Variants in PTPRU observed in about 807,000 individuals in gnomAD.
The protein encoded by PTPRU is protein tyrosine phosphatase receptor type U.
In PTPRU, 69 loss-of-function variants were observed where a neutral mutation model predicts 166.3. The ratio of observed to expected loss-of-function variants is 0.41; its 90% CI spans 0.34 to 0.51. PTPRU has a LOEUF of 0.51. Ranked by LOEUF, PTPRU falls within the 20% of genes least tolerant of loss-of-function variation. PTPRU has a pLI of 0.09. For synonymous variants in PTPRU, 793 were observed against 814.0 expected (o/e 0.97, Z 0.44); for missense variants, 1,657 against 2,013.7 (o/e 0.82, Z 3.39).
intron 14 of PTPRU, among the ~76,000 whole-genome samples, chr1:29,288,494 C>T (rs966438576): frequency 9.2e-5 from 14 of 152,178 alleles, no homozygotes; most frequent in African/African-American, 3.4e-4. Context: ...AGAAGAATGC[C>T]ATTTCTTCAG....
chr1:29,310,969 A>G (rs1478108675), intron 19 of PTPRU, among the ~76,000 whole-genome samples, 189 bp downstream of exon 19: 3 of 152,070 alleles, frequency 2.0e-5, no homozygotes, highest in Non-Finnish European at 4.4e-5. Flanking sequence ...AATCTGGCCA[A>G]CTGCCTTTGT....
chr1:29,284,665 C>T, intron 13 of PTPRU, 66 bp from the exon 14 acceptor site: 1 of 1,611,448 alleles, frequency 6.2e-7, no homozygotes, highest in Non-Finnish European at 8.5e-7. Flanking sequence ...GGCACAGCCA[C>T]CTACAGGAGG....
In PTPRU at chr1:29,311,462, A is replaced by T; in HGVS notation, c.2864A>T (p.Lys955Met). 1.2e-6 allele frequency: 2 copies of T among 1,614,130 alleles called. No homozygotes were observed. The highest frequency in any genetic ancestry group is 1.7e-6 in the Non-Finnish European group (2 of 1,180,030). ...CCTCTGCCTGCATCCCCAGGGCCGAAGCCTGAGATGGTCTATGACTTCTGG... is the reference window on the plus strand; with the variant it reads ...CCTCTGCCTGCATCCCCAGGGCCGATGCCTGAGATGGTCTATGACTTCTGG... Reference protein sequence around the residue: ...SNHFIATQGPKPEMVYDFWRM... With the variant: ...SNHFIATQGPMPEMVYDFWRM... Residue 955 changes from lysine (K) to methionine (M), a missense_variant, in exon 20 of 30, where the codon AAG (lysine) becomes ATG (methionine). This residue lies in a region of PTPRU where 1,190 missense variants were observed against 1,477.4 expected (regional missense o/e 0.81). Transcript: ENST00000373779. The surrounding 1 kb of genome is among the most constrained non-coding windows in gnomAD (Gnocchi z 4.1).
chr1:29,293,321 C>T (rs564310940), intron 15 of PTPRU, among the ~76,000 whole-genome samples: 2 of 152,192 alleles, frequency 1.3e-5, no homozygotes, highest in South Asian at 4.2e-4. Flanking sequence ...CCATGTTAGC[C>T]ACGCTGTTAG....
chr1:29,290,010 C>T (rs1686551307), intron 14 of PTPRU, among the ~76,000 whole-genome samples: 1 of 152,340 alleles, frequency 6.6e-6, no homozygotes, highest in South Asian at 2.1e-4. Flanking sequence ...CCCTTCACCA[C>T]CAGAGCAGCC....
intron 7 of PTPRU, among the ~76,000 whole-genome samples, chr1:29,263,109 T>G (rs1685146102): frequency 6.6e-6 from 1 of 152,166 alleles, no homozygotes; most frequent in Non-Finnish European, 1.5e-5. Context: ...CTCAGCCTCC[T>G]GAGTAGCTGA....
Position 29,260,066 on chromosome 1 carries a change from A to G in PTPRU, c.850+22A>G, listed in dbSNP as rs750564512. ...AAGGGTCAGCTGGTGGACGCCGGGGAGCGCCGGGACCTCACCCTCGAGGGG... is the reference window on the plus strand; with the variant it reads ...AAGGGTCAGCTGGTGGACGCCGGGGGGCGCCGGGACCTCACCCTCGAGGGG... On this transcript the variant is annotated intron_variant, in intron 6 of 29. Transcript: ENST00000373779. This position sits in a 1 kb window ranked among gnomAD's most constrained non-coding sequence, Gnocchi z 8.3. 8.4e-6 allele frequency: 11 copies of G among 1,311,992 alleles called. No homozygotes were observed. The highest frequency in any genetic ancestry group is 3.3e-5 in the East Asian group (1 of 30,652). 81.3% of individuals were successfully genotyped at this position (1,311,992 alleles called of 1,614,324 possible).
chr1:29,313,129 C>T (rs1319255577), intron 22 of PTPRU, among the ~76,000 whole-genome samples: 1 of 152,210 alleles, frequency 6.6e-6, no homozygotes, highest in African/African-American at 2.4e-5. Flanking sequence ...GCCTTCACAC[C>T]TTCTGCAGAC....
intron 1 of PTPRU, among the ~76,000 whole-genome samples, chr1:29,246,033 T>C (rs951404190): frequency 6.6e-6 from 1 of 152,258 alleles, no homozygotes; most frequent in African/African-American, 2.4e-5. Flanking sequence ...TGTACTGCAC[T>C]GCACTATTGC....
chr1:29,288,092 G>C (rs975376043), intron 14 of PTPRU, among the ~76,000 whole-genome samples: 11 of 152,250 alleles, frequency 7.2e-5, no homozygotes, highest in African/African-American at 2.6e-4. Context: ...AGGGATTATA[G>C]GCCTACCTGA....
chr1:29,325,077 C>A, intron 28 of PTPRU, 114 bp from the exon 29 acceptor site: 1 of 1,419,584 alleles, frequency 7.0e-7, no homozygotes, highest in African/African-American at 1.4e-5. Context: ...TTCTAGATTC[C>A]CTAGCTCCGT....
intron 7 of PTPRU, among the ~76,000 whole-genome samples, chr1:29,273,429 C>T (rs1031389302): frequency 1.2e-4 from 19 of 152,138 alleles, no homozygotes; most frequent in South Asian, 6.2e-4. Flanking sequence ...CCACCATGCC[C>T]GGCTTATTTT....
Position 29,320,248 on chromosome 1 carries a change from G to C in PTPRU, c.3688-437G>C, listed in dbSNP as rs1399295932. On this transcript the variant is annotated intron_variant, in intron 25 of 29. Transcript: ENST00000373779. This position sits in a 1 kb window ranked among gnomAD's most constrained non-coding sequence, Gnocchi z 5.2. ...GTGGGGCTATTTTTGATGAGGTGGT[G>C]GGGGAGGGCTTCTTTGAGGAGGTGA... The C allele has an allele frequency of 6.3e-6, 1 of 158,514 alleles. No homozygotes were observed. The highest frequency in any genetic ancestry group is 2.4e-5 in the African/African-American group (1 of 41,698). 9.8% of individuals were successfully genotyped at this position (158,514 alleles called of 1,614,324 possible). A position where few individuals can be genotyped will look rare whatever the true frequency, so the allele number is the denominator to read the frequency against.
At chr1:29,286,782 G>A (rs1340924501) in intron 14 of PTPRU, among the ~76,000 whole-genome samples, 1 of 152,006 alleles carries the variant, frequency 6.6e-6, no homozygotes, top group Non-Finnish European at 1.5e-5. Context: ...ATGTTGTCAG[G>A]GCCTCACTGG....
At chr1:29,251,659 C>T (rs1046697647) in intron 1 of PTPRU, among the ~76,000 whole-genome samples, 4 of 152,124 alleles carry the variant, frequency 2.6e-5, no homozygotes, top group Non-Finnish European at 4.4e-5. Context: ...GAGTCCTGGC[C>T]GTTCGTGTGG....
chr1:29,325,550 T>G, intron 29 of PTPRU, 49 bp from the exon 30 acceptor site: 1 of 1,563,546 alleles, frequency 6.4e-7, no homozygotes, highest in East Asian at 2.2e-5. Context: ...CCCACAATAC[T>G]GGAGTTGGGG....
rs754379288 is a variant in PTPRU, at chr1:29,260,765, G to C, written c.1006G>C (p.Ala336Pro). Residue 336 changes from alanine (A) to proline (P), a missense_variant, in exon 7 of 30, where the codon GCC becomes CCC. Physicochemically the swap from Ala to Pro is conservative, Grantham distance 27. Around this residue, in one of 3 missense-constraint regions of PTPRU, gnomAD observed 453 missense variants for 496.9 expected, o/e 0.91. Transcript: ENST00000373779. This position sits in a 1 kb window ranked among gnomAD's most constrained non-coding sequence, Gnocchi z 8.3. ...GCGCGGGCCCTGGGCTGAGGTGCAC[G>C]CCGTCAGCCTGCAGACCTACAAGCT... ...MARGPWAEVH[A>P]VSLQTYKLWH... The C allele has an allele frequency of 8.1e-6, 13 of 1,612,926 alleles. No individual in the cohort carries two copies. Among genetic ancestry groups the C allele is most frequent in the Non-Finnish European group, 8.5e-6 (10 of 1,179,496 alleles).
intron 16 of PTPRU, among the ~76,000 whole-genome samples, chr1:29,304,454 T>C (rs1031455188): frequency 2.0e-5 from 3 of 152,192 alleles, no homozygotes; most frequent in African/African-American, 7.2e-5. Flanking sequence ...ACCCTTATCC[T>C]AATCTAAATC....
intron 1 of PTPRU, 102 bp from the exon 2 acceptor site, chr1:29,255,173 G>T (rs1008976020): frequency 7.3e-7 from 1 of 1,361,480 alleles, no homozygotes; most frequent in South Asian, 1.4e-5. Context: ...AGGGAGGAGG[G>T]CAGGTGGGCC....
Sources: gnomAD v4.1 joint callset for allele counts (sites outside exome capture counted in the v4.1 genomes callset) on GRCh38, gnomAD v4.1.1 for gene constraint, gnomAD v4.1.1 regional missense constraint, Gnocchi (gnomAD v3.1) non-coding constraint, MANE v1.5 for transcripts, NCBI Gene and HGNC (gene_info 2026-07-23, HGNC 2026-07-21) for gene names.